Variants in WBP2NL observed in about 807,000 individuals in gnomAD.
WBP2NL encodes WBP2 N-terminal like.
Under a neutral mutation model 23.3 loss-of-function variants are expected in WBP2NL, and 27 were observed. The ratio of observed to expected loss-of-function variants is 1.16; its 90% CI spans 0.85 to 1.60. WBP2NL has a LOEUF of 1.60. Among genes scored for constraint, WBP2NL ranks in the 40% most tolerant of loss-of-function variants. WBP2NL has a pLI of 0.00. For missense variants in WBP2NL, 370 were observed against 389.5 expected, an observed-to-expected ratio of 0.95 and a Z score of 0.42; for synonymous variants, 151 against 145.9, an observed-to-expected ratio of 1.03 and a Z score of -0.25.
At chr22:42,021,789 CTT>C (rs11413615) in intron 4 of WBP2NL, among the ~76,000 whole-genome samples, 194 of 132,626 alleles carry the variant, frequency 1.5e-3, no homozygotes, top group African/African-American at 4.1e-3. Flanking sequence ...TTCTTTCTTT[CTT>C]TTTTTTTTTT....
At chr22:42,039,908 GTTT>G (rs80348568) in intron 8 of WBP2NL, among the ~76,000 whole-genome samples, 1 of 135,652 alleles carries the variant, frequency 7.4e-6, no homozygotes, top group African/African-American at 2.7e-5. Context: ...GTACAGTTAG[GTTT>G]TTTTTTTTTT....
At chr22:42,019,449 A>G (rs1569449483) in intron 2 of WBP2NL, 30 bp downstream of exon 2, 11 of 1,598,636 alleles carry the variant, frequency 6.9e-6, no homozygotes, top group South Asian at 2.2e-5. Context: ...TAATCTGCTG[A>G]TTAACTCTAC....
intron 8 of WBP2NL, among the ~76,000 whole-genome samples, chr22:42,042,183 G>A (rs979279511): frequency 1.3e-5 from 2 of 152,190 alleles, no homozygotes; most frequent in Non-Finnish European, 2.9e-5. Flanking sequence ...GGCTTCTTCA[G>A]TCTGGACGTC....
intron 1 of WBP2NL, among the ~76,000 whole-genome samples, chr22:42,016,075 G>T (rs961177180): frequency 6.6e-6 from 1 of 151,858 alleles, no homozygotes; most frequent in African/African-American, 2.4e-5. Flanking sequence ...TCTGCCTCCC[G>T]GGTTCAAGCA....
At chr22:42,006,779 C>A (rs1026545600) in intron 1 of WBP2NL, among the ~76,000 whole-genome samples, 8 of 152,136 alleles carry the variant, frequency 5.3e-5, no homozygotes, top group African/African-American at 1.7e-4. Flanking sequence ...TATTTTGACT[C>A]CTCTTGCCTA....
chr22:42,037,262 T>A (rs1379013955), downstream of WBP2NL, among the ~76,000 whole-genome samples: 3 of 152,114 alleles, frequency 2.0e-5, no homozygotes, highest in Non-Finnish European at 4.4e-5. Context: ...TTCATTAATA[T>A]GTGAGTTTAT....
rs1444799059 is a variant in WBP2NL, at chr22:42,040,272, G to C, written c.*273+9449G>C. The stretch of plus-strand genomic sequence containing the variant: ...GAGTCTTGCTCTGTTGCCTAGGCTG[G>C]AGTGCAATGGTGCGATCTCAGCTCA... On this transcript the variant is annotated intron_variant and NMD_transcript_variant, in intron 8 of 8. Coordinates refer to the WBP2NL transcript ENST00000436265. 4.0e-5 allele frequency among the ~76,000 whole-genome samples: 6 copies of C among 149,680 alleles called. No individual in the cohort carries two copies. In the East Asian group the frequency reaches 7.8e-4, roughly 19 times the overall value.
At chr22:42,015,354 C>T (rs1923205525) in intron 1 of WBP2NL, among the ~76,000 whole-genome samples, 1 of 152,158 alleles carries the variant, frequency 6.6e-6, no homozygotes, top group African/African-American at 2.4e-5. Flanking sequence ...GCCTTTCTTA[C>T]TCAGCCAGGC....
In WBP2NL at chr22:42,026,807, C is replaced by T. The variant is rs1393036684; in HGVS notation, c.556C>T (p.Pro186Ser). 1.9e-6 allele frequency: 3 copies of T among 1,613,838 alleles called. No homozygotes were observed. The African/African-American group carries it at 4.0e-5, about 22-fold the overall frequency. The change falls in exon 6 of 6, where the codon CCT becomes TCT. Residue 186 changes from proline to serine, a missense_variant. Coordinates refer to ENST00000328823, the MANE Select transcript of WBP2NL (RefSeq NM_152613.3). ...CCCACCTGCAGGATATGGAGCCCCACCTCCCGGATACGGAGCCCCACCTGC... is the reference window on the plus strand; with the variant it reads ...CCCACCTGCAGGATATGGAGCCCCATCTCCCGGATACGGAGCCCCACCTGC... ...GAPPAGYGAP[P>S]PGYGAPPAGY...
downstream of WBP2NL, among the ~76,000 whole-genome samples, chr22:42,037,726 C>G (rs929465126): frequency 2.6e-5 from 4 of 151,732 alleles, no homozygotes; most frequent in Non-Finnish European, 5.9e-5. Flanking sequence ...TCAGATAGTT[C>G]ATCTTTGGTA....
At chr22:42,037,362 AT>A, downstream of WBP2NL, among the ~76,000 whole-genome samples, 1 of 152,088 alleles carries the variant, frequency 6.6e-6, no homozygotes. Flanking sequence ...AAGATAGATA[AT>A]TTGTAGTCAG....
chr22:42,011,425 T>A (rs980553452), intron 1 of WBP2NL, among the ~76,000 whole-genome samples: 10 of 152,068 alleles, frequency 6.6e-5, no homozygotes, highest in African/African-American at 1.7e-4. Context: ...AACTTTTTTT[T>A]TATATATTTT....
chr22:42,020,157 TTTTG>T (rs1923751949), intron 4 of WBP2NL, 61 bp downstream of exon 4: 2 of 1,489,156 alleles, frequency 1.3e-6, no homozygotes, highest in Non-Finnish European at 1.8e-6. Flanking sequence ...TGTTTGGGTT[TTTTG>T]TTGTTGTTGT....
rs533355178 is a variant in WBP2NL at position 42,055,179 on chromosome 22, C to T, written c.*274-3111C>T. On this transcript the variant is annotated intron_variant and NMD_transcript_variant, in intron 8 of 8. Coordinates refer to the WBP2NL transcript ENST00000436265. ...ATCAACAGGCACCCACCACCATGCC[C>T]AGCTAATTTTTTTTTGAGACTGAGT... Among the ~76,000 whole-genome samples the T allele has an allele frequency of 6.6e-5, 10 of 151,872 alleles. No homozygotes were observed. The East Asian group carries it at 1.9e-3, about 29-fold the overall frequency.
chr22:42,004,684 G>A (rs1922039587), intron 1 of WBP2NL, among the ~76,000 whole-genome samples: 3 of 152,192 alleles, frequency 2.0e-5, no homozygotes, highest in Admixed American at 2.0e-4. Flanking sequence ...AGCACTTTGG[G>A]AGGCCAAAGT....
intron 1 of WBP2NL, among the ~76,000 whole-genome samples, chr22:42,008,441 A>G (rs1602443837): frequency 6.6e-6 from 1 of 151,794 alleles, no homozygotes; most frequent in East Asian, 1.9e-4. Context: ...TCTTAGCATC[A>G]AGTGATCCAC....
intron 8 of WBP2NL, among the ~76,000 whole-genome samples, chr22:42,051,318 AT>A (rs1380212499): frequency 6.6e-6 from 1 of 152,102 alleles, no homozygotes; most frequent in Non-Finnish European, 1.5e-5. Flanking sequence ...CAGTGAAAAG[AT>A]CAGTGATGGC....
At chr22:42,057,686 T>A (rs1037716724) in intron 8 of WBP2NL, among the ~76,000 whole-genome samples, 14 of 151,116 alleles carry the variant, frequency 9.3e-5, no homozygotes, top group African/African-American at 3.2e-4. Context: ...CTTTCAGTAG[T>A]TCGTACTGGA....
chr22:42,020,100 A>AGT lies in WBP2NL; in HGVS notation c.406+6_406+7dup. On this transcript the variant is annotated splice_donor_region_variant and intron_variant, in intron 4 of 5. Coordinates refer to ENST00000328823, the MANE Select transcript of WBP2NL (RefSeq NM_152613.3). ...ATGGTGAAAGCTGCCTCTGCTGGTA[A>AGT]GTGATGCTGATAAAGATATTAAGCA... is the stretch of plus-strand genomic sequence containing the variant. 1 of 1,612,174 alleles carries AGT rather than the reference A, an allele frequency of 6.2e-7. No homozygotes were observed. The highest frequency in any genetic ancestry group is 8.5e-7 in the Non-Finnish European group (1 of 1,178,632).
Sources: gnomAD v4.1 joint callset for allele counts (sites outside exome capture counted in the v4.1 genomes callset) on GRCh38, gnomAD v4.1.1 for gene constraint, MANE v1.5 for transcripts, NCBI Gene and HGNC (gene_info 2026-07-23, HGNC 2026-07-21) for gene names.